Variants in GDF6 observed in about 807,000 individuals in gnomAD.
GDF6 encodes the protein growth differentiation factor 6, also known as growth/differentiation factor 6.
In GDF6, 3 loss-of-function variants were observed where a neutral mutation model predicts 32.4. That is an observed-to-expected ratio of 0.09 (90% CI 0.04 to 0.24). The LOEUF (loss-of-function observed/expected upper bound fraction) is 0.24, where lower values mean the gene tolerates loss of function less well. Among genes scored for constraint, GDF6 ranks in the 10% least tolerant of loss-of-function variants. GDF6 has a pLI of 1.00. For missense variants in GDF6, 589 were observed against 637.9 expected, an observed-to-expected ratio of 0.92 and a Z score of 0.83; for synonymous variants, 296 against 295.3, an observed-to-expected ratio of 1.00 and a Z score of -0.03.
chr8:96,156,364 C>G (rs1203573726), intron 1 of GDF6, among the ~76,000 whole-genome samples: 2 of 136,268 alleles, frequency 1.5e-5, no homozygotes, highest in Admixed American at 7.9e-5. Flanking sequence ...GTCTCTTTCT[C>G]TCTCTCTCTT....
rs768251290 is a variant in GDF6, at chr8:96,160,613, G to A, written c.80C>T (p.Ser27Phe). 1 of 1,613,782 alleles carries A rather than the reference G, an allele frequency of 6.2e-7. No homozygotes were observed. Among genetic ancestry groups the A allele is most frequent in the Non-Finnish European group, 8.5e-7 (1 of 1,179,736 alleles). The change falls in exon 1 of 2, where the codon TCC (serine) becomes TTC (phenylalanine). Residue 27 changes from serine to phenylalanine, a missense_variant. Ser to Phe is a radical substitution (Grantham distance 155). This residue lies in a region of GDF6 where 436 missense variants were observed against 411.2 expected (regional missense o/e 1.06). Coordinates refer to ENST00000287020, the MANE Select transcript of GDF6 (RefSeq NM_001001557.4). ...LWDLPGFQQA[S>F]ISSSSSSAEL... ...GGCGGACGACGAGGAGGATGAGATG[G>A]AAGCCTGCTGGAAACCGGGCAAATC...
Position 96,144,290 on chromosome 8 carries a change from G to GAGAGAA in GDF6, c.*272_*273insTTCTCT, listed in dbSNP as rs1416099236. 1.1e-4 allele frequency: 49 copies of GAGAGAA among 439,294 alleles called. No individual in the cohort carries two copies. Among genetic ancestry groups the GAGAGAA allele is most frequent in the Middle Eastern group, 1.3e-3 (2 of 1,528 alleles). 27.2% of individuals were successfully genotyped at this position (439,294 alleles called of 1,614,324 possible). ...AGAGAGAGAGAGAGAGAGAGAGAGA[G>GAGAGAA]AAAACAGAACAAAAGAAATCCTCCT... On this transcript the variant is annotated 3_prime_UTR_variant, in exon 2 of 2. Transcript: ENST00000287020. This position sits in a 1 kb window ranked among gnomAD's most constrained non-coding sequence, Gnocchi z 5.1.
chr8:96,144,481 C>CGCCTCTCTGCAGCCAG lies in GDF6; in HGVS notation c.*66_*81dup, dbSNP rs879574090. 7.2e-6 allele frequency: 11 copies of CGCCTCTCTGCAGCCAG among 1,530,556 alleles called. No homozygotes were observed. Among genetic ancestry groups the CGCCTCTCTGCAGCCAG allele is most frequent in the Non-Finnish European group, 8.0e-6 (9 of 1,132,016 alleles). The allele number at this position is 1,530,556 out of a possible 1,614,324, so 94.8% of individuals were successfully genotyped here. A position where few individuals can be genotyped will look rare whatever the true frequency, so the allele number is the denominator to read the frequency against. The stretch of plus-strand genomic sequence containing the variant: ...CTCCCCCAGCGCCAGCTTCCTCCTC[C>CGCCTCTCTGCAGCCAG]GCCTCTCTGCAGCCAGGCCTCCCCT... On this transcript the variant is annotated 3_prime_UTR_variant, in exon 2 of 2. Transcript: ENST00000287020. This position sits in a 1 kb window ranked among gnomAD's most constrained non-coding sequence, Gnocchi z 5.1.
At chr8:96,150,607 A>G (rs1359260746) in intron 1 of GDF6, among the ~76,000 whole-genome samples, 1 of 152,250 alleles carries the variant, frequency 6.6e-6, no homozygotes, top group African/African-American at 2.4e-5. Flanking sequence ...TCTAAGAGGT[A>G]TCTTGCCCAT....
intron 1 of GDF6, among the ~76,000 whole-genome samples, chr8:96,151,147 G>A (rs1448258914): frequency 6.6e-6 from 1 of 152,190 alleles, no homozygotes; most frequent in Non-Finnish European, 1.5e-5. Flanking sequence ...GTTGAGATCT[G>A]AGCTTTGCAA....
chr8:96,145,389 G>T lies in GDF6; in HGVS notation c.542C>A (p.Ala181Asp). 1 of 1,576,246 alleles carries T rather than the reference G, an allele frequency of 6.3e-7. No individual in the cohort carries two copies. The highest frequency in any genetic ancestry group is 2.3e-5 in the East Asian group (1 of 44,156). ...QAPSAPWGPP[A>D]GPLHVQLFPC... ...GAAGAGCTGCACGTGGAGCGGCCCG[G>T]CTGGTGGCCCCCAGGGCGCTGAGGG... is the stretch of plus-strand genomic sequence containing the variant. Residue 181 changes from alanine to aspartate, a missense_variant, in exon 2 of 2, where the codon GCC becomes GAC. Physicochemically the swap from Ala to Asp is moderately radical, Grantham distance 126. Around this residue, in one of 2 missense-constraint regions of GDF6, gnomAD observed 436 missense variants for 411.2 expected, o/e 1.06. Coordinates refer to ENST00000287020, the MANE Select transcript of GDF6 (RefSeq NM_001001557.4). The surrounding 1 kb of genome is among the most constrained non-coding windows in gnomAD (Gnocchi z 5.6).
At chr8:96,154,945 T>TC (rs1300629689) in intron 1 of GDF6, among the ~76,000 whole-genome samples, 2 of 152,084 alleles carry the variant, frequency 1.3e-5, no homozygotes, top group African/African-American at 4.8e-5. Flanking sequence ...TGCCCTGCGT[T>TC]CCCCGCGGGT....
At position 96,144,284 on chromosome 8, in the gene GDF6, GAGAGAGAA is replaced by G. The variant is rs1235409307; in HGVS notation, c.*271_*278del. The stretch of plus-strand genomic sequence containing the variant: ...AGAGAGAGAGAGAGAGAGAGAGAGA[GAGAGAGAA>G]AACAGAACAAAAGAAATCCTCCTTG... On this transcript the variant is annotated 3_prime_UTR_variant, in exon 2 of 2. Coordinates refer to ENST00000287020, the MANE Select transcript of GDF6 (RefSeq NM_001001557.4). The surrounding 1 kb of genome is among the most constrained non-coding windows in gnomAD (Gnocchi z 5.1). 9 of 480,572 alleles carry G rather than the reference GAGAGAGAA, an allele frequency of 1.9e-5. No individual in the cohort carries two copies. Among genetic ancestry groups the G allele is most frequent in the Admixed American group, 3.4e-5 (1 of 29,606 alleles). The allele number at this position is 480,572 out of a possible 1,614,324, so 29.8% of individuals were successfully genotyped here. A position where few individuals can be genotyped will look rare whatever the true frequency, so the allele number is the denominator to read the frequency against.
intron 1 of GDF6, among the ~76,000 whole-genome samples, chr8:96,153,142 C>T (rs934896860): frequency 1.3e-5 from 2 of 152,244 alleles, no homozygotes; most frequent in African/African-American, 4.8e-5. Context: ...AGCCCTCTCC[C>T]GTGAGTGCTG....
chr8:96,159,940 T>C (rs867236364), intron 1 of GDF6, among the ~76,000 whole-genome samples: 7 of 151,890 alleles, frequency 4.6e-5, no homozygotes, highest in Non-Finnish European at 5.9e-5. Flanking sequence ...TCAGTCCCCA[T>C]CCCGACCCCT....
At chr8:96,150,943 A>C (rs765721729) in intron 1 of GDF6, among the ~76,000 whole-genome samples, 14 of 152,220 alleles carry the variant, frequency 9.2e-5, no homozygotes, top group African/African-American at 4.8e-5. Context: ...TCCGCGCTGC[A>C]CTGAGGGGGC....
At chr8:96,152,662 G>A (rs986162954) in intron 1 of GDF6, among the ~76,000 whole-genome samples, 6 of 152,208 alleles carry the variant, frequency 3.9e-5, no homozygotes, top group African/African-American at 1.4e-4. Context: ...TGTCTTCAGT[G>A]TGTGTTCCTT....
At chr8:96,155,534 G>A (rs1442520790) in intron 1 of GDF6, among the ~76,000 whole-genome samples, 1 of 152,188 alleles carries the variant, frequency 6.6e-6, no homozygotes, top group African/African-American at 2.4e-5. Context: ...CTGGCTGGAG[G>A]AGGACCGTGA....
At position 96,144,285 on chromosome 8, in the gene GDF6, AG is replaced by A. The variant is rs1563507976; in HGVS notation, c.*277del. On this transcript the variant is annotated 3_prime_UTR_variant, in exon 2 of 2. Transcript: ENST00000287020. This position sits in a 1 kb window ranked among gnomAD's most constrained non-coding sequence, Gnocchi z 5.1. ...GAGAGAGAGAGAGAGAGAGAGAGAG[AG>A]AGAGAAAACAGAACAAAAGAAATCC... The A allele has an allele frequency of 9.7e-5, 48 of 495,410 alleles. No homozygotes were observed. The highest frequency in any genetic ancestry group is 5.7e-4 in the Middle Eastern group (1 of 1,740). 30.7% of individuals were successfully genotyped at this position (495,410 alleles called of 1,614,324 possible). A position where few individuals can be genotyped will look rare whatever the true frequency, so the allele number is the denominator to read the frequency against.
rs367654279 is a variant in GDF6 at position 96,146,707 on chromosome 8, C to CACACAGAGAGAGAGAGAG, written c.407-1184_407-1183insCTCTCTCTCTCTCTGTGT. Among the ~76,000 whole-genome samples the CACACAGAGAGAGAGAGAG allele has an allele frequency of 6.0e-3, 840 of 139,964 alleles. 10 individuals are homozygous for CACACAGAGAGAGAGAGAG. The highest frequency in any genetic ancestry group is 0.022 in the African/African-American group (767 of 35,134). 91.8% of individuals were successfully genotyped at this position (139,964 alleles called of 152,430 possible). ...ACACACACACACACACACACACACA[C>CACACAGAGAGAGAGAGAG]AGAGAGAGAGAGAGAGAGATAGAGA... On this transcript the variant is annotated intron_variant, in intron 1 of 1. Coordinates refer to ENST00000287020, the MANE Select transcript of GDF6 (RefSeq NM_001001557.4).
chr8:96,150,804 T>C (rs1383542450), intron 1 of GDF6, among the ~76,000 whole-genome samples: 7 of 152,260 alleles, frequency 4.6e-5, no homozygotes, highest in Non-Finnish European at 5.9e-5. Flanking sequence ...CATAGCTTCA[T>C]CATTAGTGTA....
At position 96,145,343 on chromosome 8, in the gene GDF6, C is replaced by G; in HGVS notation, c.588G>C (p.Leu196=). ...GCGGGTCCAGGGTCCGCGCGTCCAGCAGTAGGGGCGAAAGGCAAGGGAAGA... is the reference window on the plus strand; with the variant it reads ...GCGGGTCCAGGGTCCGCGCGTCCAGGAGTAGGGGCGAAAGGCAAGGGAAGA... ...VQLFPCLSPL[L]LDARTLDPQG... Residue 196 remains leucine (L), a synonymous_variant, in exon 2 of 2, where the codon CTG becomes CTC. Coordinates refer to ENST00000287020, the MANE Select transcript of GDF6 (RefSeq NM_001001557.4). The surrounding 1 kb of genome is among the most constrained non-coding windows in gnomAD (Gnocchi z 5.6). 3 of 1,544,550 alleles carry G rather than the reference C, an allele frequency of 1.9e-6. No individual in the cohort carries two copies.
At position 96,144,907 on chromosome 8, in the gene GDF6, G is replaced by A. The variant is rs1241661247; in HGVS notation, c.1024C>T (p.His342Tyr). The change falls in exon 2 of 2, where the codon CAT (histidine) becomes TAT (tyrosine). Residue 342 changes from histidine to tyrosine, a missense_variant. By Grantham distance (83) the His-to-Tyr change is moderately conservative. Around this residue, in one of 2 missense-constraint regions of GDF6, gnomAD observed 153 missense variants for 226.7 expected, o/e 0.67. Transcript: ENST00000287020. This position sits in a 1 kb window ranked among gnomAD's most constrained non-coding sequence, Gnocchi z 5.1. ...GACTTCTTGCCGTGCCGCTTGCCAT[G>A]GCGACTGGCGAAGGCCGTGCGCCGC... is the stretch of plus-strand genomic sequence containing the variant. Reference protein sequence around the residue: ...RRRRTAFASRHGKRHGKKSRL... With the variant: ...RRRRTAFASRYGKRHGKKSRL... 1.9e-6 allele frequency: 3 copies of A among 1,611,230 alleles called. No individual in the cohort carries two copies. The highest frequency in any genetic ancestry group is 1.1e-5 in the South Asian group (1 of 90,648).
chr8:96,148,903 C>A (rs1812525382), intron 1 of GDF6, among the ~76,000 whole-genome samples: 1 of 152,240 alleles, frequency 6.6e-6, no homozygotes, highest in Admixed American at 6.5e-5. Context: ...CCCCTGCAGA[C>A]CACATTCCCT....
Sources: gnomAD v4.1 joint callset for allele counts (sites outside exome capture counted in the v4.1 genomes callset) on GRCh38, gnomAD v4.1.1 for gene constraint, gnomAD v4.1.1 regional missense constraint, Gnocchi (gnomAD v3.1) non-coding constraint, MANE v1.5 for transcripts, NCBI Gene and HGNC (gene_info 2026-07-23, HGNC 2026-07-21) for gene names.